Variants in CDH13 observed in about 807,000 individuals in gnomAD.
The protein encoded by CDH13 is cadherin 13.
A neutral mutation model predicts 63.8 loss-of-function variants in CDH13; 24 were observed. That is an observed-to-expected ratio of 0.38 (90% CI 0.27 to 0.53). The LOEUF (loss-of-function observed/expected upper bound fraction) is 0.53. CDH13 is among the 20% of genes least tolerant of loss of function. CDH13 has a pLI of 0.85. For missense variants in CDH13, 1,049 were observed against 903.1 expected (o/e 1.16, Z -2.07); for synonymous variants, 503 against 355.3 (o/e 1.42, Z -4.67).
chr16:83,273,108 T>A (rs1314898261), intron 5 of CDH13, among the ~76,000 whole-genome samples: 1 of 152,126 alleles, frequency 6.6e-6, no homozygotes. Flanking sequence ...TTGAGCAGTC[T>A]TTCACCCTAG....
intron 1 of CDH13, among the ~76,000 whole-genome samples, chr16:82,638,254 G>A (rs1567578160): frequency 1.3e-5 from 2 of 151,810 alleles, no homozygotes; most frequent in African/African-American, 4.9e-5. Flanking sequence ...TAGAGCCTGG[G>A]GCTGGCCTGG....
chr16:82,664,990 C>G (rs1396141604), intron 1 of CDH13, among the ~76,000 whole-genome samples: 2 of 152,112 alleles, frequency 1.3e-5, no homozygotes, highest in African/African-American at 2.4e-5. Context: ...TAAAATGTAT[C>G]TGTAGCTCCC....
chr16:82,688,394 G>A (rs1915299658), intron 1 of CDH13, among the ~76,000 whole-genome samples: 1 of 152,214 alleles, frequency 6.6e-6, no homozygotes, highest in African/African-American at 2.4e-5. Context: ...GTAAAAAGAA[G>A]CCATGATCAC....
chr16:82,653,759 C>T (rs1398266046), intron 1 of CDH13, among the ~76,000 whole-genome samples: 1 of 152,090 alleles, frequency 6.6e-6, no homozygotes, highest in African/African-American at 2.4e-5. Flanking sequence ...CAGTGACAGA[C>T]GCTCTTAAAT....
At chr16:83,134,863 C>T (rs577444207) in intron 4 of CDH13, among the ~76,000 whole-genome samples, 67 of 152,290 alleles carry the variant, frequency 4.4e-4, no homozygotes, top group African/African-American at 1.2e-3. Flanking sequence ...ATCTACATCC[C>T]GCAAATAAAG....
Position 82,703,199 on chromosome 16 carries a change from T to G in CDH13, c.45+76062T>G, listed in dbSNP as rs556726496. 3.1e-4 allele frequency among the ~76,000 whole-genome samples: 45 copies of G among 143,316 alleles called. 1 individual carries two copies. The East Asian group carries it at 7.7e-3, about 24-fold the overall frequency. 94.0% of individuals were successfully genotyped at this position (143,316 alleles called of 152,430 possible). A position where few individuals can be genotyped will look rare whatever the true frequency, so the allele number is the denominator to read the frequency against. On this transcript the variant is annotated intron_variant, in intron 1 of 13. Coordinates refer to ENST00000567109, the MANE Select transcript of CDH13 (RefSeq NM_001257.5). The stretch of plus-strand genomic sequence containing the variant: ...ACATAAACATACTACACACACTGGA[T>G]GTATACTACACACACACACACACAC...
chr16:83,281,854 A>G lies in CDH13; in HGVS notation c.637-63008A>G, dbSNP rs562676864. Among the ~76,000 whole-genome samples the G allele has an allele frequency of 6.6e-5, 10 of 152,260 alleles. No individual in the cohort carries two copies. The East Asian group carries it at 1.7e-3, about 26-fold the overall frequency. ...CTTGAACCCAAGAAGCAAAGGTTGC[A>G]GTGAGCCGAGATTGCACCACTGCAT... is the stretch of plus-strand genomic sequence containing the variant. On this transcript the variant is annotated intron_variant, in intron 5 of 13. Transcript: ENST00000567109.
intron 6 of CDH13, among the ~76,000 whole-genome samples, chr16:83,382,544 C>G (rs56255945): frequency 6.6e-6 from 1 of 151,954 alleles, no homozygotes. Flanking sequence ...TCTGCCTCCC[C>G]AAGTACACCC....
intron 2 of CDH13, among the ~76,000 whole-genome samples, chr16:83,024,973 C>T (rs190421169): frequency 6.6e-6 from 1 of 152,294 alleles, no homozygotes; most frequent in East Asian, 1.9e-4. Flanking sequence ...CTGTAGTAAC[C>T]ATTTCCATGG....
At chr16:82,893,278 A>T (rs909468796) in intron 2 of CDH13, among the ~76,000 whole-genome samples, 6 of 152,256 alleles carry the variant, frequency 3.9e-5, no homozygotes, top group African/African-American at 1.4e-4. Flanking sequence ...AGCAGTTTTG[A>T]TAGACATGGC....
intron 4 of CDH13, among the ~76,000 whole-genome samples, chr16:83,143,680 C>T (rs1188506338): frequency 6.6e-6 from 1 of 152,128 alleles, no homozygotes; most frequent in East Asian, 1.9e-4. Context: ...AGAATGAGTG[C>T]AGGGATTGTA....
At chr16:83,238,601 G>C (rs1295526874) in intron 5 of CDH13, among the ~76,000 whole-genome samples, 1 of 152,156 alleles carries the variant, frequency 6.6e-6, no homozygotes, top group Non-Finnish European at 1.5e-5. Flanking sequence ...TGTCCATAGT[G>C]GTCTTTGTTT....
At chr16:82,905,123 C>T (rs756425171) in intron 2 of CDH13, among the ~76,000 whole-genome samples, 2 of 152,156 alleles carry the variant, frequency 1.3e-5, no homozygotes, top group Non-Finnish European at 1.5e-5. Context: ...GAGGCAGTGC[C>T]ATTCACAATG....
rs146025266 is a variant in CDH13, at chr16:83,030,886, C to A, written c.158-1124C>A. On this transcript the variant is annotated intron_variant, in intron 2 of 13. Coordinates refer to ENST00000567109, the MANE Select transcript of CDH13 (RefSeq NM_001257.5). ...CCCCACCATTCTAGATTCCCACCAT[C>A]CCTGCCCCGTTTTAAGTTTGCCTCT... 7.6e-3 allele frequency among the ~76,000 whole-genome samples: 1,150 copies of A among 152,026 alleles called. 8 individuals carry two copies. The highest frequency in any genetic ancestry group is 0.015 in the Admixed American group (225 of 15,266).
At chr16:83,672,915 C>T (rs1914639218) in intron 9 of CDH13, among the ~76,000 whole-genome samples, 1 of 152,186 alleles carries the variant, frequency 6.6e-6, no homozygotes, top group African/African-American at 2.4e-5. Context: ...GTGGCTATGT[C>T]ATTCTATGAC....
chr16:82,881,259 C>T (rs1247990894), intron 2 of CDH13, among the ~76,000 whole-genome samples: 2 of 152,010 alleles, frequency 1.3e-5, no homozygotes, highest in Admixed American at 6.6e-5. Flanking sequence ...CATTTGGATG[C>T]CATGGGTTGA....
chr16:83,276,392 T>A (rs1390165769), intron 5 of CDH13, among the ~76,000 whole-genome samples: 1 of 152,188 alleles, frequency 6.6e-6, no homozygotes, highest in East Asian at 1.9e-4. Flanking sequence ...CCATATGACT[T>A]GCAAGCACCT....
chr16:83,737,619 G>A (rs1044601844), intron 10 of CDH13, among the ~76,000 whole-genome samples: 3 of 152,052 alleles, frequency 2.0e-5, no homozygotes, highest in African/African-American at 7.2e-5. Flanking sequence ...TTCCACCTCA[G>A]AGTTTAAATC....
At chr16:83,053,918 C>G (rs1048562370) in intron 3 of CDH13, among the ~76,000 whole-genome samples, 3 of 151,762 alleles carry the variant, frequency 2.0e-5, no homozygotes, top group Non-Finnish European at 4.4e-5. Context: ...TGTGACATAA[C>G]AACGTTTTGG....
Sources: allele counts gnomAD v4.1 joint callset (sites outside exome capture counted in the v4.1 genomes callset), GRCh38; gene constraint gnomAD v4.1.1; transcripts MANE v1.5; gene names NCBI Gene and HGNC (gene_info 2026-07-23, HGNC 2026-07-21).